The following SLC39A10 variants were observed in gnomAD, a reference collection of about 807,000 sequenced individuals.
SLC39A10 encodes zinc transporter ZIP10.
Under a neutral mutation model 65.1 loss-of-function variants are expected in SLC39A10, and 13 were observed. That is an observed-to-expected ratio of 0.20 (90% CI 0.13 to 0.32). The LOEUF (loss-of-function observed/expected upper bound fraction) is 0.32, where lower values mean the gene tolerates loss of function less well. Among genes scored for constraint, SLC39A10 ranks in the 10% least tolerant of loss-of-function variants. The pLI is 1.00. For missense variants in SLC39A10, 831 were observed against 1,018.4 expected, an observed-to-expected ratio of 0.82 and a Z score of 2.50; for synonymous variants, 321 against 342.2, an observed-to-expected ratio of 0.94 and a Z score of 0.68.
At chr2:195,713,262 T>C (rs1214251777) in intron 5 of SLC39A10, among the ~76,000 whole-genome samples, 171 bp from the exon 6 acceptor site, 3 of 152,348 alleles carry the variant, frequency 2.0e-5, no homozygotes, top group East Asian at 1.9e-4. Context: ...GTTGGATTTT[T>C]CATCTCTGGA....
At chr2:195,657,427 C>T (rs1332515044) in intron 1 of SLC39A10, 146 bp downstream of exon 1, 27 of 985,580 alleles carry the variant, frequency 2.7e-5, no homozygotes, top group Non-Finnish European at 3.1e-5. Flanking sequence ...GGGATGCGGG[C>T]GCTGGGGTTC....
At chr2:195,667,930 C>T (rs982527622) in intron 1 of SLC39A10, among the ~76,000 whole-genome samples, 4 of 152,076 alleles carry the variant, frequency 2.6e-5, no homozygotes, top group African/African-American at 7.2e-5. Flanking sequence ...AAAATATGTA[C>T]GTAATTTTAT....
chr2:195,732,166 A>G (rs1471285731), intron 9 of SLC39A10, among the ~76,000 whole-genome samples: 1 of 152,210 alleles, frequency 6.6e-6, no homozygotes, highest in African/African-American at 2.4e-5. Context: ...CAAAAAGATG[A>G]GAGTTTATCT....
chr2:195,623,315 G>A (rs1688389004), intron 2 of SLC39A10, among the ~76,000 whole-genome samples: 1 of 152,134 alleles, frequency 6.6e-6, no homozygotes, highest in African/African-American at 2.4e-5. Context: ...CTTGACAATA[G>A]GAGTTTCCCT....
At position 195,636,732 on chromosome 2, in the gene SLC39A10, G is replaced by C. The variant is rs150193004; in HGVS notation, c.-12+30499G>C. ...CGCGCCACTGCACTCCAGCCTGGGC[G>C]ACAGAGCAAGACTCTGTCTAAAGAA... On this transcript the variant is annotated intron_variant, in intron 2 of 2. Coordinates refer to the SLC39A10 transcript ENST00000458054. 2.4e-3 allele frequency among the ~76,000 whole-genome samples: 372 copies of C among 152,030 alleles called. 9 individuals are homozygous for C. The East Asian group carries it at 0.044, about 18-fold the overall frequency.
intron 6 of SLC39A10, among the ~76,000 whole-genome samples, chr2:195,714,683 G>A (rs1691721735): frequency 6.6e-6 from 1 of 152,196 alleles, no homozygotes; most frequent in African/African-American, 2.4e-5. Context: ...TCTGGTTCAA[G>A]TTCAATATTT....
chr2:195,728,063 G>T lies in SLC39A10; in HGVS notation c.2147-96G>T. Reference sequence around the variant, plus strand: ...CATAAAATACTGTTATTAAAAGTGTGTATCTTTTTAATGCTGATTTTATTT... The same window carrying T: ...CATAAAATACTGTTATTAAAAGTGTTTATCTTTTTAATGCTGATTTTATTT... On this transcript the variant is annotated intron_variant, in intron 8 of 9. Coordinates refer to ENST00000359634, the MANE Select transcript of SLC39A10 (RefSeq NM_020342.3). The surrounding 1 kb of genome is among the most constrained non-coding windows in gnomAD (Gnocchi z 4.4). The T allele has an allele frequency of 2.8e-6, 3 of 1,088,086 alleles. No individual in the cohort carries two copies. Among genetic ancestry groups the T allele is most frequent in the Admixed American group, 4.7e-5 (2 of 42,654 alleles). 67.4% of individuals were successfully genotyped at this position (1,088,086 alleles called of 1,614,324 possible).
At chr2:195,672,745 A>G (rs1483710352) in intron 1 of SLC39A10, among the ~76,000 whole-genome samples, 2 of 152,194 alleles carry the variant, frequency 1.3e-5, no homozygotes, top group African/African-American at 4.8e-5. Flanking sequence ...ATCAATATAT[A>G]TGAATGTCCT....
rs55916294 is a variant in SLC39A10 at position 195,735,805 on chromosome 2, A to ATTTTTTTTTTTTTT, written c.*769_*782dup. 1 of 124,376 alleles carries ATTTTTTTTTTTTTT rather than the reference A, an allele frequency of 8.0e-6. No homozygotes were observed. The highest frequency in any genetic ancestry group is 1.7e-5 in the Non-Finnish European group (1 of 60,136). The allele number at this position is 124,376 out of a possible 1,614,324, so 7.7% of individuals were successfully genotyped here. ...TGTTTTTTACTTTAATTTTGTTTTG[A>ATTTTTTTTTTTTTT]TTTTTTTTTTTTTTTTTTGGCGGGG... On this transcript the variant is annotated 3_prime_UTR_variant, in exon 10 of 10. Transcript: ENST00000359634.
rs1692584454 is a variant in SLC39A10 at position 195,735,866 on chromosome 2, A to C, written c.*825A>C. 6.7e-6 allele frequency: 1 copy of C among 148,938 alleles called. No individual in the cohort carries two copies. The highest frequency in any genetic ancestry group is 2.5e-5 in the African/African-American group (1 of 39,806). 9.2% of individuals were successfully genotyped at this position (148,938 alleles called of 1,614,324 possible). A position where few individuals can be genotyped will look rare whatever the true frequency, so the allele number is the denominator to read the frequency against. On this transcript the variant is annotated 3_prime_UTR_variant, in exon 10 of 10. Coordinates refer to ENST00000359634, the MANE Select transcript of SLC39A10 (RefSeq NM_020342.3). ...GTTTGGAGCATGTGGTCTTTTTAAA[A>C]AATTGTAACCCTCTAGAAAATATCA... is the stretch of plus-strand genomic sequence containing the variant.
At chr2:195,627,950 A>G (rs1688507589) in intron 2 of SLC39A10, among the ~76,000 whole-genome samples, 1 of 152,230 alleles carries the variant, frequency 6.6e-6, no homozygotes, top group Non-Finnish European at 1.5e-5. Context: ...TTTTAGAAAT[A>G]TGGACCTCTG....
chr2:195,734,056 TGCTGTCATGA>T (rs1692508548), intron 9 of SLC39A10, among the ~76,000 whole-genome samples: 3 of 151,638 alleles, frequency 2.0e-5, no homozygotes, highest in African/African-American at 7.3e-5. Context: ...AGTATCTCTT[TGCTGTCATGA>T]GCAGTGGGAA....
rs1689023520 is a variant in SLC39A10 at position 195,651,180 on chromosome 2, T to TA, written c.-11-28852_-11-28851insA. ...AGGCCCATTTATCCTACCTTAGTCTTTAGAGCTTGCCAAAAATGAGATGGT... is the reference window on the plus strand; with the variant it reads ...AGGCCCATTTATCCTACCTTAGTCTTATAGAGCTTGCCAAAAATGAGATGGT... On this transcript the variant is annotated intron_variant, in intron 2 of 2. Coordinates refer to the SLC39A10 transcript ENST00000458054. 9.2e-5 allele frequency among the ~76,000 whole-genome samples: 14 copies of TA among 152,190 alleles called. No homozygotes were observed. The South Asian group carries it at 2.9e-3, about 32-fold the overall frequency.
chr2:195,729,961 A>ATTTTTTTTTTT (rs58936616), intron 9 of SLC39A10, among the ~76,000 whole-genome samples: 8 of 92,138 alleles, frequency 8.7e-5, no homozygotes, highest in Non-Finnish European at 1.4e-4. Flanking sequence ...ACCATGCCTA[A>ATTTTTTTTTTT]TTTTTTTTTT....
chr2:195,658,920 A>C (rs1173999313), intron 1 of SLC39A10, among the ~76,000 whole-genome samples: 3 of 152,234 alleles, frequency 2.0e-5, no homozygotes. Context: ...TAAATGTATG[A>C]AATACATAGA....
intron 1 of SLC39A10, among the ~76,000 whole-genome samples, chr2:195,669,342 G>A (rs78558038): frequency 0.013 from 2,034 of 152,188 alleles, 48 homozygotes; most frequent in African/African-American, 0.046. Flanking sequence ...ACACAAATAT[G>A]CTACTGTAGT....
chr2:195,715,255 C>T (rs992698529), intron 6 of SLC39A10, among the ~76,000 whole-genome samples: 2 of 151,832 alleles, frequency 1.3e-5, no homozygotes, highest in Non-Finnish European at 2.9e-5. Flanking sequence ...TGGCTGGGTG[C>T]GGTGGCTCAC....
intron 3 of SLC39A10, among the ~76,000 whole-genome samples, chr2:195,701,362 TCAGACAG>T: frequency 6.8e-6 from 1 of 147,712 alleles, no homozygotes; most frequent in Admixed American, 6.7e-5. Flanking sequence ...TTAGCATCCT[TCAGACAG>T]TTGTTTTAAA....
intron 3 of SLC39A10, among the ~76,000 whole-genome samples, chr2:195,691,052 C>G (rs116074803): frequency 0.013 from 1,977 of 152,120 alleles, 44 homozygotes; most frequent in African/African-American, 0.044. Flanking sequence ...CATTTTTATG[C>G]CTTTGTATCC....
Sources: gnomAD v4.1 joint callset for allele counts (sites outside exome capture counted in the v4.1 genomes callset) on GRCh38, gnomAD v4.1.1 for gene constraint, Gnocchi (gnomAD v3.1) non-coding constraint, MANE v1.5 for transcripts, NCBI Gene and HGNC (gene_info 2026-07-23, HGNC 2026-07-21) for gene names.